Variants in VRK2 observed in about 807,000 individuals in gnomAD.
VRK2 encodes serine/threonine-protein kinase VRK2.
In VRK2, 60 loss-of-function variants were observed where a neutral mutation model predicts 57.6. That is an observed-to-expected ratio of 1.04 (90% CI 0.85 to 1.29). The LOEUF is 1.29. Ranked by LOEUF, VRK2 falls within the 50% of genes most tolerant of loss-of-function variation. The pLI is 0.00. For synonymous variants in VRK2, 231 were observed against 199.2 expected (o/e 1.16, Z -1.35); for missense variants, 705 against 588.1 (o/e 1.20, Z -2.06).
exon 3 of VRK2, chr2:58,033,525 T>G (rs930417006): frequency 6.6e-6 from 1 of 152,040 alleles, no homozygotes; most frequent in African/African-American, 2.4e-5. Flanking sequence ...TGCTGACAGC[T>G]TGATTTTAGG....
chr2:58,076,425 A>C (rs1670117389), intron 2 of VRK2, among the ~76,000 whole-genome samples: 1 of 152,006 alleles, frequency 6.6e-6, no homozygotes, highest in African/African-American at 2.4e-5. Context: ...ATCATACCTC[A>C]TATCACTAGC....
intron 2 of VRK2, among the ~76,000 whole-genome samples, chr2:58,062,877 A>G (rs894124364): frequency 2.0e-5 from 3 of 152,138 alleles, no homozygotes; most frequent in African/African-American, 7.2e-5. Flanking sequence ...GAAGGTGGTT[A>G]CACTAAATAA....
At chr2:57,969,076 T>C (rs1281870424) in intron 1 of VRK2, among the ~76,000 whole-genome samples, 1 of 152,002 alleles carries the variant, frequency 6.6e-6, no homozygotes, top group Non-Finnish European at 1.5e-5. Context: ...TAAAATAGAG[T>C]GTTTGGGGGC....
intron 1 of VRK2, among the ~76,000 whole-genome samples, chr2:57,928,513 T>C (rs529854211): frequency 4.0e-4 from 61 of 152,194 alleles, no homozygotes; most frequent in Non-Finnish European, 7.2e-4. Flanking sequence ...CATATATCTC[T>C]GTCTCTCCAG....
chr2:58,128,791 A>G (rs190626404), intron 8 of VRK2, among the ~76,000 whole-genome samples: 97 of 152,288 alleles, frequency 6.4e-4, no homozygotes, highest in Non-Finnish European at 8.1e-4. Flanking sequence ...CTTACTTTAA[A>G]TTGTTTGAAA....
At chr2:58,153,746 C>T (rs560771145) in intron 12 of VRK2, among the ~76,000 whole-genome samples, 2 of 152,012 alleles carry the variant, frequency 1.3e-5, no homozygotes, top group African/African-American at 2.4e-5. Context: ...AGCCTTCCTC[C>T]TCTTCTTAAT....
At chr2:57,963,025 C>T (rs574169150) in intron 1 of VRK2, among the ~76,000 whole-genome samples, 7 of 152,278 alleles carry the variant, frequency 4.6e-5, no homozygotes, top group Non-Finnish European at 8.8e-5. Flanking sequence ...AAGTCACTTA[C>T]CCCTGCTAAA....
intron 7 of VRK2, among the ~76,000 whole-genome samples, chr2:58,115,987 G>A (rs1294674301): frequency 2.6e-5 from 4 of 152,196 alleles, no homozygotes; most frequent in Non-Finnish European, 5.9e-5. Context: ...GGGTGGATAG[G>A]CAAAACAATT....
At chr2:57,977,129 T>C (rs1241950875) in intron 1 of VRK2, among the ~76,000 whole-genome samples, 1 of 152,194 alleles carries the variant, frequency 6.6e-6, no homozygotes, top group Admixed American at 6.5e-5. Flanking sequence ...TGTAGTATAA[T>C]TTGAAGTCAG....
At chr2:58,038,766 A>C (rs1674353994) in intron 3 of VRK2, among the ~76,000 whole-genome samples, 1 of 152,114 alleles carries the variant, frequency 6.6e-6, no homozygotes, top group South Asian at 2.1e-4. Flanking sequence ...TATGCACATA[A>C]AAAAATTTAG....
chr2:58,069,723 C>T (rs184654112), intron 2 of VRK2, among the ~76,000 whole-genome samples: 17 of 152,046 alleles, frequency 1.1e-4, no homozygotes, highest in Admixed American at 9.8e-4. Context: ...GGGAAAGAAC[C>T]GAAAGGTGAA....
chr2:58,086,189 C>T, intron 4 of VRK2, 150 bp from the exon 5 acceptor site: 6 of 577,382 alleles, frequency 1.0e-5, no homozygotes, highest in Non-Finnish European at 8.9e-6. Context: ...AGTTTGAGGC[C>T]ATTAGATAGA....
At chr2:57,983,094 T>C (rs985864620) in intron 1 of VRK2, among the ~76,000 whole-genome samples, 1 of 152,146 alleles carries the variant, frequency 6.6e-6, no homozygotes, top group Non-Finnish European at 1.5e-5. Flanking sequence ...CCTCCTTTTT[T>C]AGCCCACATT....
At chr2:58,020,415 G>A (rs1673717043) in intron 1 of VRK2, among the ~76,000 whole-genome samples, 1 of 152,116 alleles carries the variant, frequency 6.6e-6, no homozygotes, top group African/African-American at 2.4e-5. Context: ...ATGTTTTGAA[G>A]GCTGGTCTTG....
chr2:58,111,822 C>T (rs978100029), intron 7 of VRK2, among the ~76,000 whole-genome samples: 1 of 151,798 alleles, frequency 6.6e-6, no homozygotes, highest in Non-Finnish European at 1.5e-5. Context: ...AAACTTTGAA[C>T]CAAAACAAGT....
intron 7 of VRK2, among the ~76,000 whole-genome samples, chr2:58,113,727 T>C (rs1379663021): frequency 6.6e-6 from 1 of 152,068 alleles, no homozygotes; most frequent in African/African-American, 2.4e-5. Flanking sequence ...CAAATCACAA[T>C]GGTGGAATGT....
intron 11 of VRK2, among the ~76,000 whole-genome samples, chr2:58,141,383 G>C (rs1217914426): frequency 1.3e-5 from 2 of 151,612 alleles, no homozygotes; most frequent in African/African-American, 4.8e-5. Flanking sequence ...CAAATTAAAG[G>C]GTGTTTGTTG....
Position 57,933,734 on chromosome 2 carries a change from A to T in VRK2, c.-439+25895A>T, listed in dbSNP as rs184454145. ...AATATAATCCATTTAGATCAAAGGTATTGATAGATCGAGATTTGCAATTGC... is the reference window on the plus strand; with the variant it reads ...AATATAATCCATTTAGATCAAAGGTTTTGATAGATCGAGATTTGCAATTGC... On this transcript the variant is annotated intron_variant, in intron 1 of 15. Transcript: ENST00000417641. 6.0e-4 allele frequency among the ~76,000 whole-genome samples: 91 copies of T among 151,834 alleles called. 1 individual carries two copies. The highest frequency in any genetic ancestry group is 1.7e-3 in the South Asian group (8 of 4,810).
intron 11 of VRK2, among the ~76,000 whole-genome samples, chr2:58,140,213 C>T (rs976781575): frequency 1.3e-5 from 2 of 151,838 alleles, no homozygotes; most frequent in African/African-American, 2.4e-5. Flanking sequence ...TAACAGTCTT[C>T]GATTTAACCA....
Sources: allele counts gnomAD v4.1 joint callset (sites outside exome capture counted in the v4.1 genomes callset), GRCh38; gene constraint gnomAD v4.1.1; transcripts MANE v1.5; gene names NCBI Gene and HGNC (gene_info 2026-07-23, HGNC 2026-07-21).